The following NAV3 variants were observed in gnomAD, a reference collection of about 807,000 sequenced individuals.
NAV3 encodes the protein neuron navigator 3.
Under a neutral mutation model 244.7 loss-of-function variants are expected in NAV3, and 87 were observed. The observed-to-expected ratio is 0.36, with a 90% CI of 0.30 to 0.42. NAV3 has a LOEUF of 0.42. NAV3 is among the 20% of genes least tolerant of loss of function. The pLI, the probability that NAV3 is intolerant of heterozygous loss-of-function variation, is 1.00. For missense variants in NAV3, 2,663 were observed against 2,893.3 expected (o/e 0.92, Z 1.83); for synonymous variants, 1,126 against 1,042.2 (o/e 1.08, Z -1.55).
chr12:77,844,130 T>C (rs1236020877), intron 1 of NAV3, among the ~76,000 whole-genome samples: 3 of 152,166 alleles, frequency 2.0e-5, no homozygotes, highest in African/African-American at 7.2e-5. Flanking sequence ...ACAACAGAAA[T>C]TTATTTCTTA....
intron 2 of NAV3, among the ~76,000 whole-genome samples, chr12:77,776,478 C>G (rs1870363403): frequency 6.6e-6 from 1 of 152,146 alleles, no homozygotes; most frequent in Admixed American, 6.5e-5. Context: ...GAGTTTCTGT[C>G]AAGTTATTCA....
chr12:78,144,950 AAGAAAGAAAG>A (rs1956802112), intron 20 of NAV3: 1 of 158,992 alleles, frequency 6.3e-6, no homozygotes, highest in South Asian at 1.4e-4. Flanking sequence ...AAAAAAAAGA[AAGAAAGAAAG>A]AAAAACAACA....
chr12:77,773,325 C>A (rs1013610639), intron 2 of NAV3, among the ~76,000 whole-genome samples: 1 of 151,786 alleles, frequency 6.6e-6, no homozygotes. Context: ...ACTGTTGGTA[C>A]TAAAATCTCA....
chr12:77,792,615 A>G (rs775344787), intron 2 of NAV3, among the ~76,000 whole-genome samples: 52 of 152,200 alleles, frequency 3.4e-4, no homozygotes, highest in Non-Finnish European at 6.6e-4. Flanking sequence ...GATTCCTTCG[A>G]TGGGCAATTT....
chr12:78,165,483 C>T (rs1957742747), intron 23 of NAV3, among the ~76,000 whole-genome samples: 1 of 151,834 alleles, frequency 6.6e-6, no homozygotes, highest in African/African-American at 2.4e-5. Context: ...TTCCCTTCAA[C>T]ATAAAGAAAT....
chr12:77,756,071 T>A (rs1384193853), intron 2 of NAV3, among the ~76,000 whole-genome samples: 2 of 152,200 alleles, frequency 1.3e-5, no homozygotes, highest in African/African-American at 4.8e-5. Flanking sequence ...CTTTTTGTAC[T>A]CATTTTGTTC....
At chr12:78,092,947 G>A (rs749599003) in intron 12 of NAV3, among the ~76,000 whole-genome samples, 1 of 152,162 alleles carries the variant, frequency 6.6e-6, no homozygotes, top group Non-Finnish European at 1.5e-5. Flanking sequence ...TCATATGTTA[G>A]GTATTAGCTG....
intron 1 of NAV3, among the ~76,000 whole-genome samples, chr12:77,885,122 T>G (rs193172184): frequency 5.3e-5 from 8 of 152,208 alleles, no homozygotes; most frequent in African/African-American, 1.9e-4. Context: ...AGTCTCATCA[T>G]TTTTTAATCA....
chr12:78,022,058 A>G (rs773216494), intron 9 of NAV3, among the ~76,000 whole-genome samples, 196 bp downstream of exon 9: 7 of 152,180 alleles, frequency 4.6e-5, no homozygotes, highest in Non-Finnish European at 8.8e-5. Context: ...AAGGAATGGT[A>G]GTCCTTTCAG....
intron 30 of NAV3, 42 bp downstream of exon 30, chr12:78,181,087 T>C (rs1958478509): frequency 1.3e-6 from 2 of 1,587,408 alleles, no homozygotes; most frequent in Non-Finnish European, 1.7e-6. Flanking sequence ...AGCATACCCA[T>C]GAGTTAACGG....
chr12:77,893,974 A>C (rs1421731079), intron 1 of NAV3, among the ~76,000 whole-genome samples: 1 of 152,232 alleles, frequency 6.6e-6, no homozygotes, highest in Admixed American at 6.5e-5. Context: ...AGGATGACAC[A>C]GGACAAGTTA....
At chr12:77,618,189 C>A (rs540334114) in intron 2 of NAV3, among the ~76,000 whole-genome samples, 1 of 152,324 alleles carries the variant, frequency 6.6e-6, no homozygotes, top group African/African-American at 2.4e-5. Flanking sequence ...CAGCTGACAT[C>A]TTAACTGCAG....
intron 22 of NAV3, among the ~76,000 whole-genome samples, chr12:78,151,669 G>A (rs1957086425): frequency 6.6e-6 from 1 of 151,812 alleles, no homozygotes; most frequent in Non-Finnish European, 1.5e-5. Flanking sequence ...GGAAGAGGGA[G>A]ATCTTTAGTT....
At chr12:77,613,571 G>A (rs1212236260) in intron 2 of NAV3, among the ~76,000 whole-genome samples, 2 of 152,130 alleles carry the variant, frequency 1.3e-5, no homozygotes, top group South Asian at 2.1e-4. Flanking sequence ...GCTTTACAGA[G>A]TACAGCGAAG....
chr12:77,897,493 G>T (rs1364632822), intron 1 of NAV3, among the ~76,000 whole-genome samples: 2 of 152,080 alleles, frequency 1.3e-5, no homozygotes, highest in African/African-American at 4.8e-5. Context: ...CATGAACAAA[G>T]AGGTCTTTTC....
intron 1 of NAV3, among the ~76,000 whole-genome samples, chr12:77,851,952 G>A (rs553752925): frequency 4.1e-4 from 62 of 152,070 alleles, no homozygotes; most frequent in Non-Finnish European, 7.1e-4. Flanking sequence ...TTTAGATAAG[G>A]AGACTAAAGT....
At chr12:78,117,160 TATATATATATATA>T (rs1955429793) in intron 13 of NAV3, among the ~76,000 whole-genome samples, 22 of 108,780 alleles carry the variant, frequency 2.0e-4, no homozygotes, top group South Asian at 2.8e-4. Context: ...AGAAGCAGCA[TATATATATATATA>T]TATATATATA....
intron 1 of NAV3, among the ~76,000 whole-genome samples, chr12:77,854,587 A>ATGTGTG (rs111504963): frequency 0.025 from 3,223 of 128,458 alleles, 90 homozygotes; most frequent in African/African-American, 0.071. Context: ...GTATGTGTGT[A>ATGTGTG]TGTGTGTGTG....
Position 78,205,106 on chromosome 12 carries a change from A to G in NAV3, c.7006A>G (p.Ile2336Val). ...TAAGGAAGCCACAACCTCAAAGCACATTCCGCAAACTGACACAGAAGGAGA... is the reference window on the plus strand; with the variant it reads ...TAAGGAAGCCACAACCTCAAAGCACGTTCCGCAAACTGACACAGAAGGAGA... Reference protein sequence around the residue: ...STKEATTSKHIPQTDTEGDPL... With the variant: ...STKEATTSKHVPQTDTEGDPL... Residue 2336 changes from isoleucine to valine, a missense_variant, in exon 39 of 40, where the codon ATT becomes GTT. Around this residue, in one of 6 missense-constraint regions of NAV3, gnomAD observed 543 missense variants for 672.4 expected, o/e 0.81. Coordinates refer to ENST00000397909, the MANE Select transcript of NAV3 (RefSeq NM_001024383.2). The G allele has an allele frequency of 1.2e-6, 2 of 1,613,470 alleles. No homozygotes were observed. The highest frequency in any genetic ancestry group is 1.7e-6 in the Non-Finnish European group (2 of 1,179,722).
Sources: gnomAD v4.1 joint callset for allele counts (sites outside exome capture counted in the v4.1 genomes callset) on GRCh38, gnomAD v4.1.1 for gene constraint, gnomAD v4.1.1 regional missense constraint, MANE v1.5 for transcripts, NCBI Gene and HGNC (gene_info 2026-07-23, HGNC 2026-07-21) for gene names.